The following TMEM131L variants were observed in gnomAD, a reference collection of about 807,000 sequenced individuals.
The protein encoded by TMEM131L is transmembrane 131 like.
A neutral mutation model predicts 192.2 loss-of-function variants in TMEM131L; 54 were observed. That is an observed-to-expected ratio of 0.28 (90% confidence interval 0.23 to 0.35). TMEM131L has a LOEUF of 0.35. Among genes scored for constraint, TMEM131L ranks in the 10% least tolerant of loss-of-function variants. The probability of loss-of-function intolerance (pLI) is 1.00; values close to 1 mark genes in which losing one functional copy is unlikely to be tolerated. For synonymous variants in TMEM131L, 701 were observed against 704.9 expected, an observed-to-expected ratio of 0.99 and a Z score of 0.09; for missense variants, 1,888 against 1,972.9, an observed-to-expected ratio of 0.96 and a Z score of 0.82.
intron 25 of TMEM131L, 135 bp downstream of exon 25, chr4:153,604,565 G>C: frequency 1.1e-6 from 1 of 927,122 alleles, no homozygotes; most frequent in South Asian, 1.9e-5. Context: ...ATTGAAAAAA[G>C]ACAAAATGAA....
intron 28 of TMEM131L, 124 bp downstream of exon 28, chr4:153,621,973 TA>T: frequency 1.1e-6 from 1 of 926,192 alleles, no homozygotes; most frequent in Non-Finnish European, 1.6e-6. Context: ...AGCTAATAAC[TA>T]AAGCCCCAGT....
intron 25 of TMEM131L, among the ~76,000 whole-genome samples, chr4:153,607,595 G>A (rs1732325486): frequency 6.6e-6 from 1 of 152,108 alleles, no homozygotes. Context: ...TCATAAGATT[G>A]CCTTTAAAGG....
At chr4:153,626,026 C>A in intron 29 of TMEM131L, 121 bp from the exon 30 acceptor site, 1 of 592,012 alleles carries the variant, frequency 1.7e-6, no homozygotes, top group South Asian at 2.4e-5. Flanking sequence ...GTGAGAATAT[C>A]AGTTTAAAGT....
At chr4:153,539,815 A>T (rs1465643883) in intron 3 of TMEM131L, among the ~76,000 whole-genome samples, 2 of 151,884 alleles carry the variant, frequency 1.3e-5, no homozygotes, top group Non-Finnish European at 2.9e-5. Context: ...CTTTAAAAAA[A>T]AAACACCTGT....
chr4:153,611,238 G>A (rs746468749), intron 25 of TMEM131L, among the ~76,000 whole-genome samples: 1 of 152,164 alleles, frequency 6.6e-6, no homozygotes, highest in Non-Finnish European at 1.5e-5. Flanking sequence ...CCTTTGGTGG[G>A]GATGCTTTAC....
intron 20 of TMEM131L, among the ~76,000 whole-genome samples, chr4:153,597,589 T>TAG (rs1731532134): frequency 6.6e-6 from 1 of 152,232 alleles, no homozygotes; most frequent in South Asian, 2.1e-4. Context: ...GCTGCTTCTA[T>TAG]AGTATTTACA....
intron 19 of TMEM131L, 59 bp from the exon 20 acceptor site, chr4:153,596,199 A>G: frequency 6.3e-7 from 1 of 1,595,476 alleles, no homozygotes; most frequent in Admixed American, 1.7e-5. Flanking sequence ...GGATGCACTT[A>G]ATGACAATGG....
intron 33 of TMEM131L, among the ~76,000 whole-genome samples, chr4:153,635,164 T>C (rs1234182368): frequency 2.0e-5 from 3 of 152,264 alleles, no homozygotes; most frequent in African/African-American, 7.2e-5. Flanking sequence ...TTTTGTGTAA[T>C]AGAAAGATTC....
chr4:153,605,167 A>G (rs953706420), intron 25 of TMEM131L, among the ~76,000 whole-genome samples: 1 of 152,238 alleles, frequency 6.6e-6, no homozygotes, highest in Non-Finnish European at 1.5e-5. Context: ...GGTTAAAAGA[A>G]GACAGATGTT....
At chr4:153,540,412 G>A (rs1223188482) in intron 3 of TMEM131L, among the ~76,000 whole-genome samples, 1 of 152,060 alleles carries the variant, frequency 6.6e-6, no homozygotes, top group Non-Finnish European at 1.5e-5. Context: ...TCTTCCAAAA[G>A]GCATTTCCTA....
chr4:153,596,688 A>G (rs1731464551), intron 20 of TMEM131L, among the ~76,000 whole-genome samples: 1 of 152,010 alleles, frequency 6.6e-6, no homozygotes, highest in South Asian at 2.1e-4. Context: ...ATGCAGATCT[A>G]CTCCTCTGTC....
chr4:153,620,449 A>G (rs1008992771), intron 26 of TMEM131L, among the ~76,000 whole-genome samples: 1 of 152,208 alleles, frequency 6.6e-6, no homozygotes, highest in Non-Finnish European at 1.5e-5. Context: ...TTAACAGGTG[A>G]AGGTTGGAGG....
At chr4:153,481,462 C>T (rs906583579) in intron 3 of TMEM131L, among the ~76,000 whole-genome samples, 4 of 152,188 alleles carry the variant, frequency 2.6e-5, no homozygotes, top group African/African-American at 7.2e-5. Flanking sequence ...ACGTCCTCCA[C>T]GTTCAAGCCT....
rs187742516 is a variant in TMEM131L at position 153,573,573 on chromosome 4, C to A, written c.661-7253C>A. On this transcript the variant is annotated intron_variant, in intron 7 of 34. Coordinates refer to ENST00000409959, the MANE Select transcript of TMEM131L (RefSeq NM_001131007.2). ...AAGCTAGTTATCCAGGTGTAAAAACCAAGGTGTTGCCCAACACAGATGACT... is the reference window on the plus strand; with the variant it reads ...AAGCTAGTTATCCAGGTGTAAAAACAAAGGTGTTGCCCAACACAGATGACT... Among the ~76,000 whole-genome samples, 648 of 152,312 alleles carry A rather than the reference C, an allele frequency of 4.3e-3. 4 individuals are homozygous for A. The highest frequency in any genetic ancestry group is 0.024 in the Middle Eastern group (7 of 294).
chr4:153,624,085 A>G (rs1290140818), intron 29 of TMEM131L, among the ~76,000 whole-genome samples: 3 of 150,130 alleles, frequency 2.0e-5, no homozygotes, highest in African/African-American at 7.3e-5. Context: ...AGCCTTCTGC[A>G]TCTTGCTCTT....
chr4:153,624,717 G>T lies in TMEM131L; in HGVS notation c.4046-1430G>T, dbSNP rs11936854. 1.7e-3 allele frequency among the ~76,000 whole-genome samples: 264 copies of T among 152,166 alleles called. 1 individual carries two copies. The highest frequency in any genetic ancestry group is 2.8e-3 in the Non-Finnish European group (192 of 67,986). The stretch of plus-strand genomic sequence containing the variant: ...GTCAGTAGCTGAGTCTTGAACCCCG[G>T]GCTTCTTCCCCCAGATCCCAGTGCA... On this transcript the variant is annotated intron_variant, in intron 29 of 34. Transcript: ENST00000409959.
At chr4:153,607,690 G>A (rs536344217) in intron 25 of TMEM131L, among the ~76,000 whole-genome samples, 3 of 152,290 alleles carry the variant, frequency 2.0e-5, no homozygotes, top group African/African-American at 7.2e-5. Flanking sequence ...GGAGGCACCT[G>A]AATAATCTGC....
chr4:153,542,883 A>G (rs1385055618), intron 3 of TMEM131L, among the ~76,000 whole-genome samples: 1 of 152,190 alleles, frequency 6.6e-6, no homozygotes, highest in East Asian at 1.9e-4. Flanking sequence ...TTAGTCTGAC[A>G]GACGCAATGT....
chr4:153,600,005 T>C (rs933172233), intron 21 of TMEM131L, among the ~76,000 whole-genome samples: 7 of 152,026 alleles, frequency 4.6e-5, no homozygotes, highest in African/African-American at 7.2e-5. Context: ...GCCGGTGTAC[T>C]CCAGCCTGGA....
Sources: allele counts gnomAD v4.1 joint callset (sites outside exome capture counted in the v4.1 genomes callset), GRCh38; gene constraint gnomAD v4.1.1; transcripts MANE v1.5; gene names NCBI Gene and HGNC (gene_info 2026-07-23, HGNC 2026-07-21).